The following VPS50 variants were observed in gnomAD, a reference collection of about 807,000 sequenced individuals.
The protein encoded by VPS50 is VPS50 subunit of EARP/GARPII complex.
In VPS50, 70 loss-of-function variants were observed where a neutral mutation model predicts 139.7. That is an observed-to-expected ratio of 0.50 (90% CI 0.41 to 0.61). The LOEUF is 0.61. VPS50 is among the 20% of genes least tolerant of loss of function. VPS50 has a pLI of 0.00. For missense variants in VPS50, 921 were observed against 1,133.7 expected (o/e 0.81, Z 2.69); for synonymous variants, 365 against 376.7 (o/e 0.97, Z 0.36).
chr7:93,315,567 C>T (rs145180534), intron 20 of VPS50, among the ~76,000 whole-genome samples: 1 of 152,274 alleles, frequency 6.6e-6, no homozygotes, highest in African/African-American at 2.4e-5. Context: ...TTTTCTTAGT[C>T]TCAGCAACAC....
intron 13 of VPS50, among the ~76,000 whole-genome samples, chr7:93,292,432 T>G (rs1584435376): frequency 1.3e-5 from 2 of 152,138 alleles, no homozygotes; most frequent in Non-Finnish European, 2.9e-5. Context: ...CTATTTAAAT[T>G]GCTTCATTTG....
chr7:93,344,058 C>T (rs1743216546), intron 23 of VPS50, among the ~76,000 whole-genome samples: 1 of 152,034 alleles, frequency 6.6e-6, no homozygotes, highest in African/African-American at 2.4e-5. Flanking sequence ...AGTCAAGACC[C>T]ATCAGTGTGC....
chr7:93,333,790 A>C (rs1797998192), intron 21 of VPS50: 4 of 290,074 alleles, frequency 1.4e-5, no homozygotes, highest in African/African-American at 2.3e-5. Flanking sequence ...TACATACAAC[A>C]GAGTGTAATA....
At chr7:93,318,371 C>A (rs1584463514) in intron 20 of VPS50, among the ~76,000 whole-genome samples, 2 of 152,236 alleles carry the variant, frequency 1.3e-5, no homozygotes, top group South Asian at 4.1e-4. Context: ...TTACTCTGGT[C>A]TTCACTTCAT....
intron 22 of VPS50, among the ~76,000 whole-genome samples, chr7:93,336,302 T>C (rs1472088644): frequency 6.6e-6 from 1 of 152,206 alleles, no homozygotes; most frequent in African/African-American, 2.4e-5. Flanking sequence ...ATTGTGGTCT[T>C]AAAAGTGCCA....
chr7:93,302,249 A>G (rs1028902961), intron 16 of VPS50, among the ~76,000 whole-genome samples: 3 of 152,094 alleles, frequency 2.0e-5, no homozygotes, highest in Non-Finnish European at 4.4e-5. Flanking sequence ...TATGTCTTCA[A>G]ATATTGCTTT....
At chr7:93,346,008 T>C (rs1287553898) in intron 23 of VPS50, among the ~76,000 whole-genome samples, 2 of 152,080 alleles carry the variant, frequency 1.3e-5, no homozygotes, top group Non-Finnish European at 2.9e-5. Flanking sequence ...AAATAAAGGG[T>C]ATTCAATTAG....
intron 22 of VPS50, among the ~76,000 whole-genome samples, 159 bp from the exon 23 acceptor site, chr7:93,341,268 A>G (rs916805334): frequency 6.6e-6 from 1 of 152,240 alleles, no homozygotes; most frequent in Non-Finnish European, 1.5e-5. Context: ...GAAGGTTCCA[A>G]TAGTTACAAA....
rs540456538 is a variant in VPS50, at chr7:93,304,616, A to C, written c.1452+1066A>C. Reference sequence around the variant, plus strand: ...ATAAATTTTAGAATATCTATTAAATAATTTTATTTGAACTCCTTTTTAACC... The same window carrying C: ...ATAAATTTTAGAATATCTATTAAATCATTTTATTTGAACTCCTTTTTAACC... On this transcript the variant is annotated intron_variant, in intron 17 of 27. Transcript: ENST00000305866. Among the ~76,000 whole-genome samples, 7 of 151,976 alleles carry C rather than the reference A, an allele frequency of 4.6e-5. No individual in the cohort carries two copies. The South Asian group carries it at 1.0e-3, about 22-fold the overall frequency.
intron 9 of VPS50, among the ~76,000 whole-genome samples, chr7:93,267,009 G>T (rs1795861771): frequency 6.6e-6 from 1 of 152,170 alleles, no homozygotes; most frequent in African/African-American, 2.4e-5. Context: ...TAATAAATGG[G>T]ATATAGAATT....
intron 12 of VPS50, among the ~76,000 whole-genome samples, chr7:93,280,313 C>T (rs1796285550): frequency 6.6e-6 from 1 of 152,024 alleles, no homozygotes; most frequent in African/African-American, 2.4e-5. Flanking sequence ...ACTGCTTTTA[C>T]ACTAGCTGTT....
chr7:93,246,771 T>A (rs567711736), intron 2 of VPS50, among the ~76,000 whole-genome samples: 1 of 152,010 alleles, frequency 6.6e-6, no homozygotes, highest in African/African-American at 2.4e-5. Context: ...TTTTTCCTCC[T>A]AAACTTGAAT....
chr7:93,335,539 G>C (rs1368113180), intron 22 of VPS50, among the ~76,000 whole-genome samples: 2 of 152,020 alleles, frequency 1.3e-5, no homozygotes. Flanking sequence ...TTCAATTTCA[G>C]AGTCAAGGCT....
intron 9 of VPS50, among the ~76,000 whole-genome samples, chr7:93,262,852 C>T (rs1411084538): frequency 6.6e-6 from 1 of 152,142 alleles, no homozygotes; most frequent in Non-Finnish European, 1.5e-5. Flanking sequence ...CCTGTTGTTT[C>T]ACTCTTTTGT....
chr7:93,342,035 C>T (rs1010651471), intron 23 of VPS50, among the ~76,000 whole-genome samples: 12 of 152,124 alleles, frequency 7.9e-5, no homozygotes, highest in African/African-American at 1.2e-4. Context: ...ACACAGAAGA[C>T]GGGTGATTTC....
chr7:93,293,774 C>G (rs1051578840), intron 13 of VPS50, among the ~76,000 whole-genome samples: 3 of 152,254 alleles, frequency 2.0e-5, no homozygotes, highest in Non-Finnish European at 4.4e-5. Context: ...CCCTAACAGC[C>G]ATACCATGGG....
At chr7:93,272,913 G>A (rs1796051733) in intron 11 of VPS50, 180 bp downstream of exon 11, 2 of 413,588 alleles carry the variant, frequency 4.8e-6, no homozygotes, top group African/African-American at 2.1e-5. Context: ...TATATAATGT[G>A]GTTAAAACAT....
At chr7:93,249,342 G>A (rs1795249037) in intron 2 of VPS50, among the ~76,000 whole-genome samples, 1 of 151,810 alleles carries the variant, frequency 6.6e-6, no homozygotes, top group African/African-American at 2.4e-5. Flanking sequence ...GAGAATGCAT[G>A]TTTGCCCTTT....
At chr7:93,291,946 A>G (rs1796659486) in intron 13 of VPS50, 111 bp downstream of exon 13, 1 of 663,706 alleles carries the variant, frequency 1.5e-6, no homozygotes, top group Admixed American at 3.3e-5. Context: ...CAAAGATTAC[A>G]GTGACCATAG....
Sources: gnomAD v4.1 joint callset for allele counts (sites outside exome capture counted in the v4.1 genomes callset) on GRCh38, gnomAD v4.1.1 for gene constraint, MANE v1.5 for transcripts, NCBI Gene and HGNC (gene_info 2026-07-23, HGNC 2026-07-21) for gene names.